GABBR2: variants seen among roughly 807,000 people sequenced by gnomAD.
GABBR2 encodes gamma-aminobutyric acid type B receptor subunit 2, also known as G-protein coupled receptor 51.
A neutral mutation model predicts 105.6 loss-of-function variants in GABBR2; 23 were observed. That is an observed-to-expected ratio of 0.22 (90% CI 0.16 to 0.31). GABBR2 has a LOEUF of 0.31. GABBR2 is among the 10% of genes least tolerant of loss of function. GABBR2 has a pLI of 1.00. For missense variants in GABBR2, 734 were observed against 1,245.5 expected, an observed-to-expected ratio of 0.59 and a Z score of 6.18; for synonymous variants, 478 against 499.7, an observed-to-expected ratio of 0.96 and a Z score of 0.58.
At chr9:98,354,180 A>G (rs1332960353) in intron 13 of GABBR2, among the ~76,000 whole-genome samples, 1 of 152,262 alleles carries the variant, frequency 6.6e-6, no homozygotes, top group Non-Finnish European at 1.5e-5. Flanking sequence ...TAGATTTAAA[A>G]TTATTCAGGA....
chr9:98,687,048 C>T (rs894296946), intron 1 of GABBR2, among the ~76,000 whole-genome samples: 35 of 152,236 alleles, frequency 2.3e-4, no homozygotes, highest in African/African-American at 7.7e-4. Flanking sequence ...CCTCAACCCA[C>T]AGACTTCCTT....
rs1829431937 is a variant in GABBR2, at chr9:98,606,928, AATC to A, written c.322-28859_322-28857del. 4.4e-6 allele frequency: 3 copies of A among 684,436 alleles called. No individual in the cohort carries two copies. The Admixed American group carries it at 5.8e-5, about 13-fold the overall frequency. The allele number at this position is 684,436 out of a possible 1,614,324, so 42.4% of individuals were successfully genotyped here. A position where few individuals can be genotyped will look rare whatever the true frequency, so the allele number is the denominator to read the frequency against. The stretch of plus-strand genomic sequence containing the variant: ...GAATTCCTAGGCATTCAGACCTAAG[AATC>A]ATCTTCTTCCTGCTTGCCCGCGGCT... On this transcript the variant is annotated intron_variant, in intron 1 of 18. Transcript: ENST00000259455.
intron 7 of GABBR2, among the ~76,000 whole-genome samples, chr9:98,430,397 T>G (rs1344036198): frequency 6.6e-6 from 1 of 152,156 alleles, no homozygotes; most frequent in Non-Finnish European, 1.5e-5. Context: ...GCTTTTAAGC[T>G]TTTTTAGGTG....
At chr9:98,417,761 T>C (rs1256587169) in intron 7 of GABBR2, among the ~76,000 whole-genome samples, 1 of 152,122 alleles carries the variant, frequency 6.6e-6, no homozygotes, top group Non-Finnish European at 1.5e-5. Flanking sequence ...TATAAGGTAA[T>C]GTGAGTTGCT....
At chr9:98,304,565 G>A (rs931946075) in intron 15 of GABBR2, among the ~76,000 whole-genome samples, 8 of 152,202 alleles carry the variant, frequency 5.3e-5, no homozygotes, top group African/African-American at 1.2e-4. Flanking sequence ...AGGTGTGGAC[G>A]ACTAAGGTGT....
chr9:98,708,341 C>T, intron 1 of GABBR2, 76 bp downstream of exon 1: 3 of 1,276,738 alleles, frequency 2.3e-6, no homozygotes, highest in Non-Finnish European at 3.0e-6. Flanking sequence ...GACCAAAGGC[C>T]GGAGGTTGCC....
At chr9:98,479,892 T>A (rs1826878374) in intron 5 of GABBR2, among the ~76,000 whole-genome samples, 1 of 152,174 alleles carries the variant, frequency 6.6e-6, no homozygotes, top group Non-Finnish European at 1.5e-5. Flanking sequence ...TCCTCAGCTA[T>A]CCCTCTACCA....
chr9:98,306,426 G>T lies in GABBR2; in HGVS notation c.2005-81C>A. 1 of 883,074 alleles carries T rather than the reference G, an allele frequency of 1.1e-6. No homozygotes were observed. The highest frequency in any genetic ancestry group is 1.8e-6 in the Non-Finnish European group (1 of 542,676). The allele number at this position is 883,074 out of a possible 1,614,324, so 54.7% of individuals were successfully genotyped here. On this transcript the variant is annotated intron_variant, in intron 14 of 18. Coordinates refer to ENST00000259455, the MANE Select transcript of GABBR2 (RefSeq NM_005458.8). The surrounding 1 kb of genome is among the most constrained non-coding windows in gnomAD (Gnocchi z 5.4). ...AGGCTGCTCTGAGAAGCTGTGGAGTGGAGGGTTACTCAGGAGGTGGGCTGC... is the reference window on the plus strand; with the variant it reads ...AGGCTGCTCTGAGAAGCTGTGGAGTTGAGGGTTACTCAGGAGGTGGGCTGC...
chr9:98,403,746 GAA>G (rs200851464), intron 8 of GABBR2, among the ~76,000 whole-genome samples: 29 of 131,376 alleles, frequency 2.2e-4, no homozygotes, highest in African/African-American at 4.5e-4. Context: ...TACTTGCTGA[GAA>G]AAAAAAAAAT....
Position 98,303,316 on chromosome 9 carries a change from A to G in GABBR2, c.2337T>C (p.Ser779=). 1 of 1,614,158 alleles carries G rather than the reference A, an allele frequency of 6.2e-7. No individual in the cohort carries two copies. The highest frequency in any genetic ancestry group is 8.5e-7 in the Non-Finnish European group (1 of 1,180,006). Residue 779 remains serine, a synonymous_variant, in exon 16 of 19, where the codon AGT becomes AGC. Coordinates refer to ENST00000259455, the MANE Select transcript of GABBR2 (RefSeq NM_005458.8). ...GGCGGGATGTGCTGGCTTGGTTCACACTGGTGACCGAGGTGGACGTTTTAG... is the reference window on the plus strand; with the variant it reads ...GGCGGGATGTGCTGGCTTGGTTCACGCTGGTGACCGAGGTGGACGTTTTAG... The part of the protein sequence containing the change: ...EDSKTSTSVT[S]VNQASTSRLE...
At chr9:98,700,440 C>T (rs1474605565) in intron 1 of GABBR2, among the ~76,000 whole-genome samples, 4 of 152,202 alleles carry the variant, frequency 2.6e-5, no homozygotes, top group Non-Finnish European at 4.4e-5. Context: ...TAGAGCCTGG[C>T]TCATTGGGTC....
chr9:98,320,512 G>T (rs1387754567), intron 13 of GABBR2, among the ~76,000 whole-genome samples: 27 of 152,210 alleles, frequency 1.8e-4, no homozygotes, highest in African/African-American at 5.5e-4. Flanking sequence ...CATGCTGCTA[G>T]AAAGACACAT....
At chr9:98,570,102 A>G (rs1481694323) in intron 2 of GABBR2, among the ~76,000 whole-genome samples, 1 of 152,184 alleles carries the variant, frequency 6.6e-6, no homozygotes. Flanking sequence ...CTCTACACAC[A>G]TAGAGTCAAC....
intron 1 of GABBR2, among the ~76,000 whole-genome samples, chr9:98,589,911 C>T (rs1175465650): frequency 6.6e-6 from 1 of 152,040 alleles, no homozygotes; most frequent in Non-Finnish European, 1.5e-5. Flanking sequence ...AGACATGTCT[C>T]ACTGTGTTGC....
intron 1 of GABBR2, among the ~76,000 whole-genome samples, chr9:98,623,829 T>C (rs1829700520): frequency 6.6e-6 from 1 of 152,218 alleles, no homozygotes; most frequent in Non-Finnish European, 1.5e-5. Flanking sequence ...CCATCTGTCC[T>C]ATGTAGAAAG....
At chr9:98,571,332 G>A (rs1230611042) in intron 2 of GABBR2, among the ~76,000 whole-genome samples, 1 of 152,194 alleles carries the variant, frequency 6.6e-6, no homozygotes. Flanking sequence ...TACTTGCCCT[G>A]GCAGCATCCC....
At chr9:98,436,302 TAC>T (rs202233688) in intron 7 of GABBR2, among the ~76,000 whole-genome samples, 6 of 93,886 alleles carry the variant, frequency 6.4e-5, no homozygotes, top group African/African-American at 2.6e-4. Context: ...TATATATATA[TAC>T]CCATAAATAT....
chr9:98,370,348 GA>G (rs1831756741), intron 12 of GABBR2, among the ~76,000 whole-genome samples: 1 of 152,122 alleles, frequency 6.6e-6, no homozygotes. Flanking sequence ...TCCTAGTAAT[GA>G]GGGACTCAGA....
At chr9:98,390,954 T>C (rs1832169610) in intron 9 of GABBR2, among the ~76,000 whole-genome samples, 2 of 152,200 alleles carry the variant, frequency 1.3e-5, no homozygotes, top group Non-Finnish European at 2.9e-5. Flanking sequence ...TAAGACTTTG[T>C]GGAAACCAAA....
Sources: gnomAD v4.1 joint callset for allele counts (sites outside exome capture counted in the v4.1 genomes callset) on GRCh38, gnomAD v4.1.1 for gene constraint, Gnocchi (gnomAD v3.1) non-coding constraint, MANE v1.5 for transcripts, NCBI Gene and HGNC (gene_info 2026-07-23, HGNC 2026-07-21) for gene names.